SPOCK3: variants seen among roughly 807,000 people sequenced by gnomAD.
The protein encoded by SPOCK3 is SPARC (osteonectin), cwcv and kazal like domains proteoglycan 3.
A neutral mutation model predicts 56.6 loss-of-function variants in SPOCK3; 30 were observed. The observed-to-expected ratio is 0.53, with a 90% CI of 0.40 to 0.72. SPOCK3 has a LOEUF of 0.72. Ranked by LOEUF, SPOCK3 falls within the 30% of genes least tolerant of loss-of-function variation. The pLI is 0.00. For missense variants in SPOCK3, 527 were observed against 530.0 expected (o/e 0.99, Z 0.06); for synonymous variants, 196 against 183.3 (o/e 1.07, Z -0.56).
At chr4:166,844,643 T>G (rs2126847332) in intron 6 of SPOCK3, among the ~76,000 whole-genome samples, 1 of 152,302 alleles carries the variant, frequency 6.6e-6, no homozygotes, top group East Asian at 1.9e-4. Context: ...TCTGTCTATC[T>G]GTCTCTTTCT....
chr4:166,900,717 C>A (rs1446730462), intron 5 of SPOCK3, among the ~76,000 whole-genome samples: 1 of 152,078 alleles, frequency 6.6e-6, no homozygotes, highest in Non-Finnish European at 1.5e-5. Flanking sequence ...ATGGGTCTCT[C>A]TTTATAAAAC....
At chr4:166,935,715 A>T (rs893609277) in intron 4 of SPOCK3, among the ~76,000 whole-genome samples, 1 of 152,186 alleles carries the variant, frequency 6.6e-6, no homozygotes, top group Admixed American at 6.5e-5. Flanking sequence ...GTAGACTGAA[A>T]CAAAAGTACA....
At chr4:167,210,519 C>G (rs1314237574) in intron 2 of SPOCK3, among the ~76,000 whole-genome samples, 1 of 152,020 alleles carries the variant, frequency 6.6e-6, no homozygotes, top group Non-Finnish European at 1.5e-5. Context: ...GTCTTTTCCT[C>G]TTTACTGACA....
At chr4:167,143,261 G>T (rs1763678258) in intron 2 of SPOCK3, among the ~76,000 whole-genome samples, 1 of 151,910 alleles carries the variant, frequency 6.6e-6, no homozygotes, top group Non-Finnish European at 1.5e-5. Flanking sequence ...AACTGAAAGA[G>T]GTGCCAAATA....
intron 2 of SPOCK3, among the ~76,000 whole-genome samples, chr4:167,073,384 C>T (rs1044377760): frequency 2.1e-4 from 32 of 151,676 alleles, no homozygotes; most frequent in African/African-American, 7.7e-4. Flanking sequence ...AAATAACGGT[C>T]ATCATAAATG....
intron 6 of SPOCK3, among the ~76,000 whole-genome samples, chr4:166,798,822 T>C (rs985528495): frequency 6.6e-6 from 1 of 152,170 alleles, no homozygotes; most frequent in Non-Finnish European, 1.5e-5. Flanking sequence ...AGTATGCAAG[T>C]ACTGATGTGA....
In SPOCK3 at chr4:166,993,455, C is replaced by A. The variant is rs960774632; in HGVS notation, c.350+6894G>T. Among the ~76,000 whole-genome samples the A allele has an allele frequency of 3.3e-5, 5 of 152,048 alleles. No homozygotes were observed. In the South Asian group the frequency reaches 1.0e-3, roughly 32 times the overall value. The stretch of plus-strand genomic sequence containing the variant: ...AGCAAATTTTTTGAAATTTTAAGTA[C>A]CCTAATAATCTTTAACCCACCAAAG... On this transcript the variant is annotated intron_variant, in intron 4 of 10. Coordinates refer to ENST00000357545, the MANE Select transcript of SPOCK3 (RefSeq NM_001040159.2).
chr4:166,996,750 A>G (rs528810798), intron 4 of SPOCK3, among the ~76,000 whole-genome samples: 4 of 152,216 alleles, frequency 2.6e-5, no homozygotes, highest in South Asian at 2.1e-4. Context: ...TGAACATCAC[A>G]TATTTGGATG....
chr4:166,748,432 T>A (rs1468593931), intron 8 of SPOCK3, among the ~76,000 whole-genome samples: 2 of 136,808 alleles, frequency 1.5e-5, no homozygotes, highest in African/African-American at 6.3e-5. Flanking sequence ...TGGCTAGCCA[T>A]ATGTACAAAG....
chr4:166,840,065 C>T (rs1747074860), intron 6 of SPOCK3, among the ~76,000 whole-genome samples: 1 of 152,222 alleles, frequency 6.6e-6, no homozygotes, highest in Admixed American at 6.5e-5. Context: ...CTCCATTGAC[C>T]TCCTCAGTTA....
At chr4:167,142,899 G>A (rs1763649337) in intron 2 of SPOCK3, among the ~76,000 whole-genome samples, 1 of 151,906 alleles carries the variant, frequency 6.6e-6, no homozygotes, top group South Asian at 2.1e-4. Flanking sequence ...CAAACGTGTG[G>A]ATGCAACAAA....
rs536949279 is a variant in SPOCK3 at position 166,786,866 on chromosome 4, C to T, written c.709+5304G>A. Among the ~76,000 whole-genome samples, 95 of 149,142 alleles carry T rather than the reference C, an allele frequency of 6.4e-4. 1 individual carries two copies. In the South Asian group the frequency reaches 7.0e-3, roughly 11 times the overall value. On this transcript the variant is annotated intron_variant, in intron 7 of 10. Coordinates refer to ENST00000357545, the MANE Select transcript of SPOCK3 (RefSeq NM_001040159.2). ...CCTATATTTGGGGTTGGAAAAATCA[C>T]GTATCTAAGACTTTGCAGGGAAACG...
chr4:167,088,600 G>T (rs998776910), intron 2 of SPOCK3, among the ~76,000 whole-genome samples: 35 of 150,810 alleles, frequency 2.3e-4, no homozygotes, highest in African/African-American at 8.1e-4. Context: ...GAGTAGCTAA[G>T]ACTACAGGTG....
intron 2 of SPOCK3, among the ~76,000 whole-genome samples, chr4:167,135,522 C>T (rs1341478543): frequency 6.6e-6 from 1 of 152,096 alleles, no homozygotes; most frequent in Non-Finnish European, 1.5e-5. Context: ...AGTGAGTTCA[C>T]CTGTCTTAGC....
intron 9 of SPOCK3, 40 bp from the exon 10 acceptor site, chr4:166,737,644 A>T (rs746797953): frequency 5.5e-5 from 86 of 1,574,418 alleles, no homozygotes; most frequent in Non-Finnish European, 7.1e-5. Flanking sequence ...ACACACATGT[A>T]GTTTATGAAT....
chr4:166,767,282 G>C (rs1738224038), intron 7 of SPOCK3, among the ~76,000 whole-genome samples: 1 of 152,090 alleles, frequency 6.6e-6, no homozygotes, highest in African/African-American at 2.4e-5. Context: ...TGTGATGTTA[G>C]GGTGTCAATT....
intron 6 of SPOCK3, among the ~76,000 whole-genome samples, chr4:166,865,513 T>C (rs1383710267): frequency 1.3e-5 from 2 of 152,132 alleles, no homozygotes; most frequent in East Asian, 1.9e-4. Flanking sequence ...GATGACATGA[T>C]TGTATATTTA....
At chr4:167,013,370 C>A (rs562233841) in intron 3 of SPOCK3, among the ~76,000 whole-genome samples, 1 of 151,586 alleles carries the variant, frequency 6.6e-6, no homozygotes, top group East Asian at 1.9e-4. Context: ...TGGTTTGCTA[C>A]CATTTGTTTT....
chr4:167,012,410 A>G (rs1386068198), intron 3 of SPOCK3, among the ~76,000 whole-genome samples: 1 of 152,018 alleles, frequency 6.6e-6, no homozygotes, highest in East Asian at 1.9e-4. Flanking sequence ...CTATTATGGC[A>G]AACACATAAG....
Sources: allele counts gnomAD v4.1 joint callset (sites outside exome capture counted in the v4.1 genomes callset), GRCh38; gene constraint gnomAD v4.1.1; transcripts MANE v1.5; gene names NCBI Gene and HGNC (gene_info 2026-07-23, HGNC 2026-07-21).